CDYL: variants seen among roughly 807,000 people sequenced by gnomAD.
The protein encoded by CDYL is chromodomain Y like, also known as chromodomain Y-like protein.
CDYL carries 8 observed loss-of-function variants against 47.3 expected under a neutral mutation model. That is an observed-to-expected ratio of 0.17 (90% CI 0.10 to 0.31). The LOEUF (loss-of-function observed/expected upper bound fraction) is 0.31. CDYL is among the 10% of genes least tolerant of loss of function. The pLI is 1.00. For missense variants in CDYL, 471 were observed against 701.4 expected, an observed-to-expected ratio of 0.67 and a Z score of 3.71; for synonymous variants, 266 against 265.0, an observed-to-expected ratio of 1.00 and a Z score of -0.04.
intron 1 of CDYL, among the ~76,000 whole-genome samples, chr6:4,820,425 A>G (rs998352041): frequency 6.6e-6 from 1 of 152,152 alleles, no homozygotes; most frequent in Non-Finnish European, 1.5e-5. Context: ...TTCTGAACCC[A>G]GCTTGTACCA....
At chr6:4,942,390 T>A (rs1272641094) in intron 4 of CDYL, among the ~76,000 whole-genome samples, 1 of 152,174 alleles carries the variant, frequency 6.6e-6, no homozygotes, top group Non-Finnish European at 1.5e-5. Context: ...TCTCAGATGC[T>A]GAGTCATGAT....
At chr6:4,905,054 A>C (rs1423037120) in intron 2 of CDYL, among the ~76,000 whole-genome samples, 1 of 152,058 alleles carries the variant, frequency 6.6e-6, no homozygotes, top group Non-Finnish European at 1.5e-5. Context: ...CCAGTGCTCT[A>C]CCCCTAGCGT....
intron 2 of CDYL, among the ~76,000 whole-genome samples, chr6:4,929,381 G>T (rs1422349648): frequency 2.0e-5 from 3 of 151,570 alleles, no homozygotes; most frequent in Admixed American, 6.6e-5. Flanking sequence ...TTAGTTTGGG[G>T]TTTGTGTGTA....
intron 3 of CDYL, among the ~76,000 whole-genome samples, chr6:4,749,322 T>TGGAC (rs1326370140): frequency 7.2e-6 from 1 of 139,370 alleles, no homozygotes; most frequent in Admixed American, 7.6e-5. Flanking sequence ...GATGGATGGA[T>TGGAC]GGATGGATGG....
rs772165220 is a variant in CDYL, at chr6:4,935,607, A to G, written c.784A>G (p.Ile262Val). 1.7e-5 allele frequency: 27 copies of G among 1,614,240 alleles called. No homozygotes were observed. The highest frequency in any genetic ancestry group is 2.3e-5 in the Non-Finnish European group (27 of 1,180,034). ...AGTGACTGCCAGCAAAAGGAAATTT[A>G]TTGACGACAGAAGAGACCAGCCTTT... ...TGVTASKRKF[I>V]DDRRDQPFDK... Residue 262 changes from isoleucine (I) to valine (V), a missense_variant, in exon 3 of 7, where the codon ATT becomes GTT. By Grantham distance (29) the Ile-to-Val change is conservative (BLOSUM62 3). This residue lies in a region of CDYL where 311 missense variants were observed against 350.0 expected (regional missense o/e 0.89). Coordinates refer to ENST00000397588, the MANE Select transcript of CDYL (RefSeq NM_004824.4).
At chr6:4,868,810 A>G (rs2127472090) in intron 1 of CDYL, among the ~76,000 whole-genome samples, 1 of 152,324 alleles carries the variant, frequency 6.6e-6, no homozygotes, top group East Asian at 1.9e-4. Context: ...ATACATACAC[A>G]CATTCATAGT....
At chr6:4,745,221 A>G (rs1333950648) in intron 3 of CDYL, among the ~76,000 whole-genome samples, 2 of 152,070 alleles carry the variant, frequency 1.3e-5, no homozygotes, top group African/African-American at 4.8e-5. Flanking sequence ...CAGCCTCCCA[A>G]AGTGCTGGCA....
At chr6:4,895,157 A>G (rs542639635) in intron 2 of CDYL, among the ~76,000 whole-genome samples, 20 of 98,432 alleles carry the variant, frequency 2.0e-4, no homozygotes, top group African/African-American at 5.9e-4. Flanking sequence ...CTATACACAT[A>G]CATGTACATA....
At chr6:4,732,694 A>G (rs578035649) in intron 2 of CDYL, among the ~76,000 whole-genome samples, 2 of 151,870 alleles carry the variant, frequency 1.3e-5, no homozygotes, top group East Asian at 1.9e-4. Flanking sequence ...TTGGGGGGGA[A>G]TTCTCAGTAT....
intron 2 of CDYL, among the ~76,000 whole-genome samples, chr6:4,935,192 G>C (rs138460175): frequency 6.6e-6 from 1 of 152,264 alleles, no homozygotes; most frequent in East Asian, 1.9e-4. Context: ...ACCTGGAATA[G>C]ATACTCTCCA....
chr6:4,882,233 G>A (rs1454220042), intron 1 of CDYL, among the ~76,000 whole-genome samples: 1 of 152,186 alleles, frequency 6.6e-6, no homozygotes, highest in Non-Finnish European at 1.5e-5. Context: ...TGTCCTCCTT[G>A]TGGTTTTTCT....
chr6:4,872,745 G>A (rs976067109), intron 1 of CDYL, among the ~76,000 whole-genome samples: 12 of 152,058 alleles, frequency 7.9e-5, no homozygotes, highest in Non-Finnish European at 1.5e-4. Context: ...TAACTTTGCC[G>A]TTTTATTATG....
Position 4,942,122 on chromosome 6 carries a change from G to A in CDYL, c.1122-1424G>A, listed in dbSNP as rs565722062. Among the ~76,000 whole-genome samples, 20 of 152,310 alleles carry A rather than the reference G, an allele frequency of 1.3e-4. No individual in the cohort carries two copies. In the East Asian group the frequency reaches 3.5e-3, roughly 26 times the overall value. ...CACTCTGATCATTAAACCCCAGTGTGATCTTTCTAAGAATGCCTCAGGCTC... is the reference window on the plus strand; with the variant it reads ...CACTCTGATCATTAAACCCCAGTGTAATCTTTCTAAGAATGCCTCAGGCTC... On this transcript the variant is annotated intron_variant, in intron 4 of 6. Transcript: ENST00000397588.
At chr6:4,746,873 G>T (rs111640251) in intron 3 of CDYL, among the ~76,000 whole-genome samples, 1 of 152,144 alleles carries the variant, frequency 6.6e-6, no homozygotes, top group Non-Finnish European at 1.5e-5. Context: ...AGGTCTTCTC[G>T]CTGTGCCGGC....
At chr6:4,950,792 CGTG>C (rs1758676482) in intron 5 of CDYL, among the ~76,000 whole-genome samples, 1 of 152,096 alleles carries the variant, frequency 6.6e-6, no homozygotes, top group South Asian at 2.1e-4. Context: ...ATTAGCCGGG[CGTG>C]GTGGCGGGCG....
intron 3 of CDYL, among the ~76,000 whole-genome samples, chr6:4,769,965 TTGTGTGTG>T (rs58041362): frequency 0.034 from 4,653 of 137,874 alleles, 122 homozygotes; most frequent in African/African-American, 0.075. Context: ...CCCGGCTAAT[TTGTGTGTG>T]TGTGTGTGTG....
chr6:4,809,069 C>G (rs1759453043), intron 1 of CDYL, among the ~76,000 whole-genome samples: 1 of 152,196 alleles, frequency 6.6e-6, no homozygotes, highest in South Asian at 2.1e-4. Flanking sequence ...TTTCTACCCA[C>G]CCTCTGTGGG....
At chr6:4,745,300 A>G (rs1334509685) in intron 3 of CDYL, among the ~76,000 whole-genome samples, 4 of 152,156 alleles carry the variant, frequency 2.6e-5, no homozygotes, top group Admixed American at 2.0e-4. Context: ...ATTAAGCCAC[A>G]TGTCATGGAC....
rs551315444 is a variant in CDYL at position 4,875,889 on chromosome 6, C to A, written c.25-15824C>A. 8.5e-5 allele frequency among the ~76,000 whole-genome samples: 13 copies of A among 152,212 alleles called. No homozygotes were observed. In the South Asian group the frequency reaches 2.7e-3, roughly 32 times the overall value. ...CATTTTAAAGTAAATGGAGACATAC[C>A]CCTAAAAATACCTTATTCAGCAAGC... is the stretch of plus-strand genomic sequence containing the variant. On this transcript the variant is annotated intron_variant, in intron 1 of 6. Coordinates refer to ENST00000397588, the MANE Select transcript of CDYL (RefSeq NM_004824.4).
Sources: allele counts gnomAD v4.1 joint callset (sites outside exome capture counted in the v4.1 genomes callset), GRCh38; gene constraint gnomAD v4.1.1; regional missense constraint gnomAD v4.1.1; transcripts MANE v1.5; gene names NCBI Gene and HGNC (gene_info 2026-07-23, HGNC 2026-07-21).